COL25A1: variants seen among roughly 807,000 people sequenced by gnomAD.
The protein encoded by COL25A1 is collagen alpha-1(XXV) chain.
A neutral mutation model predicts 128.4 loss-of-function variants in COL25A1; 103 were observed. The observed-to-expected ratio is 0.80, with a 90% CI of 0.68 to 0.94. The LOEUF is 0.94. Ranked by LOEUF, COL25A1 falls within the 40% of genes least tolerant of loss-of-function variation. COL25A1 has a pLI of 0.00. For synonymous variants in COL25A1, 279 were observed against 277.2 expected (o/e 1.01, Z -0.06); for missense variants, 745 against 840.0 (o/e 0.89, Z 1.40).
intron 3 of COL25A1, among the ~76,000 whole-genome samples, chr4:109,068,425 G>C (rs1417319469): frequency 6.6e-6 from 1 of 152,052 alleles, no homozygotes; most frequent in Non-Finnish European, 1.5e-5. Flanking sequence ...GGAAGGGAGG[G>C]AGGGAAGCAG....
chr4:108,921,983 A>T (rs957978181), intron 11 of COL25A1, among the ~76,000 whole-genome samples: 5 of 152,088 alleles, frequency 3.3e-5, no homozygotes, highest in African/African-American at 4.8e-5. Context: ...AACCAAACGT[A>T]TGTGTACCTC....
At chr4:109,228,146 T>C (rs148212484) in intron 3 of COL25A1, among the ~76,000 whole-genome samples, 2,078 of 152,256 alleles carry the variant, frequency 0.014, 21 homozygotes, top group Non-Finnish European at 0.022. Flanking sequence ...TTGGATGGTA[T>C]CCATTAATGT....
rs17040310 is a variant in COL25A1, at chr4:109,300,136, G to A, written c.367+447C>T. Reference sequence around the variant, plus strand: ...CAGAAACAGCAGGAAAGGAAGTGAAGGTGGTTTACTAACATAAACGTATGC... The same window carrying A: ...CAGAAACAGCAGGAAAGGAAGTGAAAGTGGTTTACTAACATAAACGTATGC... On this transcript the variant is annotated intron_variant, in intron 3 of 37. Coordinates refer to ENST00000399132, the MANE Select transcript of COL25A1 (RefSeq NM_198721.4). Among the ~76,000 whole-genome samples the A allele has an allele frequency of 3.1e-3, 464 of 151,126 alleles. 2 individuals are homozygous for A. Among genetic ancestry groups the A allele is most frequent in the African/African-American group, 0.011 (436 of 41,076 alleles).
Position 108,845,323 on chromosome 4 carries a change from C to T in COL25A1, c.1516-72G>A, listed in dbSNP as rs1483776377. The stretch of plus-strand genomic sequence containing the variant: ...GTGTAAGAGACAACTGAATTTTCTC[C>T]CCAAACCCATTGTTCTCTTGACATT... On this transcript the variant is annotated intron_variant, in intron 28 of 37. Transcript: ENST00000399132. 2.5e-6 allele frequency: 3 copies of T among 1,182,688 alleles called. No homozygotes were observed. In the East Asian group the frequency reaches 7.0e-5, roughly 28 times the overall value. The allele number at this position is 1,182,688 out of a possible 1,614,324, so 73.3% of individuals were successfully genotyped here.
intron 3 of COL25A1, among the ~76,000 whole-genome samples, chr4:109,224,832 C>T (rs1399157846): frequency 6.6e-6 from 1 of 152,086 alleles, no homozygotes; most frequent in Non-Finnish European, 1.5e-5. Flanking sequence ...CCCAGCTACT[C>T]GGGAGGCTGA....
At chr4:108,958,214 T>C (rs923284653) in intron 8 of COL25A1, among the ~76,000 whole-genome samples, 1 of 152,102 alleles carries the variant, frequency 6.6e-6, no homozygotes, top group Non-Finnish European at 1.5e-5. Flanking sequence ...AATACAACCA[T>C]AAGGGGTAAC....
At chr4:108,983,330 G>A (rs1219577274) in intron 6 of COL25A1, among the ~76,000 whole-genome samples, 1 of 151,974 alleles carries the variant, frequency 6.6e-6, no homozygotes, top group Non-Finnish European at 1.5e-5. Context: ...TACAGCTAAT[G>A]GTGCAATCTA....
intron 3 of COL25A1, among the ~76,000 whole-genome samples, chr4:109,090,608 T>C (rs1198732076): frequency 1.3e-5 from 2 of 152,228 alleles, no homozygotes; most frequent in African/African-American, 4.8e-5. Flanking sequence ...TTAAAGACAA[T>C]ATACTTGTAA....
chr4:109,259,714 C>G (rs1038594108), intron 3 of COL25A1, among the ~76,000 whole-genome samples: 1 of 152,158 alleles, frequency 6.6e-6, no homozygotes, highest in Non-Finnish European at 1.5e-5. Context: ...AATATATATT[C>G]ATGTTTATAT....
intron 11 of COL25A1, among the ~76,000 whole-genome samples, chr4:108,930,268 C>T (rs1212704373): frequency 6.6e-6 from 1 of 152,102 alleles, no homozygotes; most frequent in African/African-American, 2.4e-5. Context: ...AGGCTTTTTT[C>T]TGGTTGTGCT....
chr4:109,088,152 A>G (rs1226307723), intron 3 of COL25A1, among the ~76,000 whole-genome samples: 1 of 152,020 alleles, frequency 6.6e-6, no homozygotes, highest in Non-Finnish European at 1.5e-5. Flanking sequence ...ATGCTTTTTA[A>G]GTTTTAATTT....
chr4:108,976,661 A>T (rs1308924840), intron 6 of COL25A1, among the ~76,000 whole-genome samples: 1 of 152,246 alleles, frequency 6.6e-6, no homozygotes, highest in Non-Finnish European at 1.5e-5. Flanking sequence ...GTTCTAGCAA[A>T]GTACCCCATC....
At chr4:109,205,601 T>C (rs1222204053) in intron 3 of COL25A1, among the ~76,000 whole-genome samples, 27 of 152,266 alleles carry the variant, frequency 1.8e-4, no homozygotes, top group Admixed American at 1.6e-3. Context: ...GGGTTCCTGA[T>C]ACTGTCAAGC....
intron 3 of COL25A1, among the ~76,000 whole-genome samples, chr4:109,085,146 A>G (rs1293728452): frequency 2.6e-5 from 4 of 151,986 alleles, no homozygotes; most frequent in African/African-American, 9.7e-5. Flanking sequence ...TGTCTTCTCT[A>G]TCTACTCTCT....
chr4:109,003,157 C>T (rs1755620899), intron 6 of COL25A1, among the ~76,000 whole-genome samples: 2 of 152,178 alleles, frequency 1.3e-5, no homozygotes, highest in African/African-American at 4.8e-5. Context: ...GCAAAAGAAA[C>T]TATCATCAGA....
chr4:109,039,020 A>T (rs1447765304), intron 5 of COL25A1, among the ~76,000 whole-genome samples: 1 of 151,026 alleles, frequency 6.6e-6, no homozygotes, highest in Non-Finnish European at 1.5e-5. Flanking sequence ...CTCCACTTCT[A>T]TCTCCTCTTC....
At chr4:108,878,685 T>G (rs1012989559) in intron 19 of COL25A1, among the ~76,000 whole-genome samples, 3 of 152,136 alleles carry the variant, frequency 2.0e-5, no homozygotes, top group Non-Finnish European at 4.4e-5. Flanking sequence ...CTGATGAAAA[T>G]GAACTATAAT....
At chr4:108,958,734 A>T (rs1332747339) in intron 8 of COL25A1, among the ~76,000 whole-genome samples, 2 of 152,052 alleles carry the variant, frequency 1.3e-5, no homozygotes, top group South Asian at 2.1e-4. Flanking sequence ...CTTTCTAAAA[A>T]TTCTGTTATT....
chr4:109,202,383 G>C (rs1170191431), intron 3 of COL25A1, among the ~76,000 whole-genome samples: 1 of 151,442 alleles, frequency 6.6e-6, no homozygotes, highest in Admixed American at 6.6e-5. Context: ...AATAGTGCTG[G>C]CATGACTGGA....
Sources: allele counts gnomAD v4.1 joint callset (sites outside exome capture counted in the v4.1 genomes callset), GRCh38; gene constraint gnomAD v4.1.1; transcripts MANE v1.5; gene names NCBI Gene and HGNC (gene_info 2026-07-23, HGNC 2026-07-21).